PAX7: variants seen among roughly 807,000 people sequenced by gnomAD.
PAX7 encodes paired box 7.
In PAX7, 18 loss-of-function variants were observed where a neutral mutation model predicts 50.7. That is an observed-to-expected ratio of 0.36 (90% CI 0.25 to 0.53). The LOEUF is 0.53. PAX7 is among the 20% of genes least tolerant of loss of function. The pLI is 0.93. For synonymous variants in PAX7, 310 were observed against 290.4 expected, an observed-to-expected ratio of 1.07 and a Z score of -0.69; for missense variants, 644 against 702.9, an observed-to-expected ratio of 0.92 and a Z score of 0.95.
chr1:18,742,367 A>G (rs1931196181), intron 8 of PAX7, among the ~76,000 whole-genome samples: 1 of 152,168 alleles, frequency 6.6e-6, no homozygotes, highest in Admixed American at 6.5e-5. Context: ...GGTGTTAGCC[A>G]GGATGGTCTC....
At chr1:18,741,033 C>T (rs1230007082) in intron 8 of PAX7, among the ~76,000 whole-genome samples, 1 of 152,134 alleles carries the variant, frequency 6.6e-6, no homozygotes, top group Non-Finnish European at 1.5e-5. Flanking sequence ...TGGGTGCAAA[C>T]ATACAGTTAG....
At chr1:18,706,311 C>A (rs191271877) in intron 7 of PAX7, among the ~76,000 whole-genome samples, 1 of 152,260 alleles carries the variant, frequency 6.6e-6, no homozygotes, top group African/African-American at 2.4e-5. Flanking sequence ...CTCACCTGGG[C>A]AAGAGGGACA....
chr1:18,728,332 G>A (rs575599174), intron 7 of PAX7, among the ~76,000 whole-genome samples: 13 of 152,016 alleles, frequency 8.6e-5, no homozygotes, highest in Non-Finnish European at 1.8e-4. Context: ...TCGTGTTGGC[G>A]TGTCTGTAAT....
chr1:18,728,365 GT>G (rs1055753712), intron 7 of PAX7, among the ~76,000 whole-genome samples: 8 of 152,102 alleles, frequency 5.3e-5, no homozygotes, highest in Admixed American at 3.9e-4. Flanking sequence ...CTGCACGGGT[GT>G]CTGGGTGTGT....
intron 7 of PAX7, among the ~76,000 whole-genome samples, chr1:18,728,032 C>G (rs1218862341): frequency 1.3e-5 from 2 of 152,000 alleles, no homozygotes; most frequent in Non-Finnish European, 2.9e-5. Context: ...TGAGGGTGGG[C>G]AGCTGCCCGG....
intron 8 of PAX7, among the ~76,000 whole-genome samples, chr1:18,739,678 C>A (rs926231320): frequency 1.3e-5 from 2 of 152,194 alleles, no homozygotes; most frequent in Non-Finnish European, 2.9e-5. Context: ...CAAGCCTACA[C>A]ATGGGCCAAA....
intron 1 of PAX7, among the ~76,000 whole-genome samples, chr1:18,631,890 G>T (rs974116369): frequency 2.0e-5 from 3 of 152,188 alleles, no homozygotes; most frequent in Non-Finnish European, 2.9e-5. Context: ...TTCACTGCCC[G>T]GCGGCCTTCG....
At chr1:18,640,370 G>C (rs1166819552) in intron 4 of PAX7, among the ~76,000 whole-genome samples, 2 of 151,946 alleles carry the variant, frequency 1.3e-5, no homozygotes, top group Admixed American at 6.6e-5. Context: ...CCGGGGGAGC[G>C]AGTGAATAGG....
intron 4 of PAX7, among the ~76,000 whole-genome samples, chr1:18,677,061 C>G (rs1481705370): frequency 2.6e-5 from 4 of 152,220 alleles, no homozygotes; most frequent in Non-Finnish European, 2.9e-5. Flanking sequence ...GAAGAGTCCT[C>G]TCATCTAAAT....
intron 7 of PAX7, among the ~76,000 whole-genome samples, chr1:18,721,157 A>G (rs1489978683): frequency 6.6e-6 from 1 of 151,888 alleles, no homozygotes; most frequent in Non-Finnish European, 1.5e-5. Flanking sequence ...ACCTTTTCCC[A>G]TGCACAGGGG....
At chr1:18,681,586 G>T (rs1243665003) in intron 4 of PAX7, among the ~76,000 whole-genome samples, 1 of 152,128 alleles carries the variant, frequency 6.6e-6, no homozygotes, top group African/African-American at 2.4e-5. Context: ...TAGTGTCTAA[G>T]GACAGTACCA....
intron 7 of PAX7, among the ~76,000 whole-genome samples, chr1:18,705,006 T>C (rs1315743508): frequency 2.0e-5 from 3 of 152,322 alleles, no homozygotes; most frequent in Non-Finnish European, 4.4e-5. Flanking sequence ...CCAGTACCTG[T>C]AGGCAGCTGC....
chr1:18,703,972 G>A (rs983400210), intron 7 of PAX7, among the ~76,000 whole-genome samples: 23 of 152,194 alleles, frequency 1.5e-4, no homozygotes, highest in Admixed American at 1.3e-3. Flanking sequence ...GTGAGCCTCA[G>A]TTTATCCCCT....
rs1016691915 is a variant in PAX7 at position 18,731,606 on chromosome 1, G to C, written c.1156-4026G>C. ...TCATCAGTGAGTGTTCTCCCCTCCCGCCGCTCTCCAGTTGGGTCCTGTCCC... is the reference window on the plus strand; with the variant it reads ...TCATCAGTGAGTGTTCTCCCCTCCCCCCGCTCTCCAGTTGGGTCCTGTCCC... On this transcript the variant is annotated intron_variant, in intron 7 of 8. Coordinates refer to ENST00000420770, the MANE Select transcript of PAX7 (RefSeq NM_001135254.2). 3.3e-5 allele frequency among the ~76,000 whole-genome samples: 5 copies of C among 151,926 alleles called. No individual in the cohort carries two copies. In the East Asian group the frequency reaches 9.7e-4, roughly 29 times the overall value.
intron 4 of PAX7, among the ~76,000 whole-genome samples, chr1:18,654,055 C>G (rs12093860): frequency 6.6e-6 from 1 of 151,984 alleles, no homozygotes; most frequent in Non-Finnish European, 1.5e-5. Flanking sequence ...AGATGAACGC[C>G]GCCCGCAGCT....
At chr1:18,728,485 G>A (rs1321615711) in intron 7 of PAX7, among the ~76,000 whole-genome samples, 12 of 151,986 alleles carry the variant, frequency 7.9e-5, no homozygotes, top group Admixed American at 4.6e-4. Context: ...GGTATTACGC[G>A]TGTGTAGCAA....
At position 18,642,672 on chromosome 1, in the gene PAX7, A is replaced by G. The variant is rs1020178663; in HGVS notation, c.586+6301A>G. Among the ~76,000 whole-genome samples, 4 of 144,636 alleles carry G rather than the reference A, an allele frequency of 2.8e-5. No individual in the cohort carries two copies. In the East Asian group the frequency reaches 9.2e-4, roughly 33 times the overall value. 94.9% of individuals were successfully genotyped at this position (144,636 alleles called of 152,430 possible). On this transcript the variant is annotated intron_variant, in intron 4 of 8. Transcript: ENST00000420770. ...CCCCAACTCTGGCTGAAAGAGGAAAAGGTGGAAATGGGGTCAGCGCTTTCT... is the reference window on the plus strand; with the variant it reads ...CCCCAACTCTGGCTGAAAGAGGAAAGGGTGGAAATGGGGTCAGCGCTTTCT...
chr1:18,631,332 T>C lies in PAX7; in HGVS notation c.-272T>C. On this transcript the variant is annotated 5_prime_UTR_variant, in exon 1 of 9. Transcript: ENST00000420770. ...CCAGCCGGCAGAGGCGGACTTGGGG[T>C]TGGAGTGTTTGTTTGTTTGAACTTC... is the stretch of plus-strand genomic sequence containing the variant. 2 of 420,926 alleles carry C rather than the reference T, an allele frequency of 4.8e-6. No homozygotes were observed. The allele number at this position is 420,926 out of a possible 1,614,324, so 26.1% of individuals were successfully genotyped here.
chr1:18,683,709 C>T (rs572922341), intron 4 of PAX7, among the ~76,000 whole-genome samples: 4 of 152,222 alleles, frequency 2.6e-5, no homozygotes, highest in South Asian at 4.2e-4. Flanking sequence ...GCACGGTGGT[C>T]GGTGCCTCTA....
Sources: allele counts gnomAD v4.1 joint callset (sites outside exome capture counted in the v4.1 genomes callset), GRCh38; gene constraint gnomAD v4.1.1; transcripts MANE v1.5; gene names NCBI Gene and HGNC (gene_info 2026-07-23, HGNC 2026-07-21).